The following AUTS2 variants were observed in gnomAD, a reference collection of about 807,000 sequenced individuals.
AUTS2 encodes the protein activator of transcription and developmental regulator AUTS2, also known as autism susceptibility gene 2 protein.
Under a neutral mutation model 112.4 loss-of-function variants are expected in AUTS2, and 17 were observed. The observed-to-expected ratio is 0.15, with a 90% confidence interval of 0.10 to 0.23. AUTS2 has a LOEUF of 0.23. Ranked by LOEUF, AUTS2 falls within the 10% of genes least tolerant of loss-of-function variation. The probability of loss-of-function intolerance (pLI) is 1.00; values close to 1 mark genes in which losing one functional copy is unlikely to be tolerated. For missense variants in AUTS2, 1,510 were observed against 1,701.6 expected (o/e 0.89, Z 1.98); for synonymous variants, 751 against 702.7 (o/e 1.07, Z -1.09).
intron 2 of AUTS2, among the ~76,000 whole-genome samples, chr7:69,948,574 A>T (rs1584481058): frequency 2.6e-5 from 4 of 152,260 alleles, no homozygotes; most frequent in Admixed American, 2.6e-4. Context: ...AAGGGGACAG[A>T]GCAGACTTAT....
At chr7:69,998,592 T>G (rs1307091346) in intron 2 of AUTS2, among the ~76,000 whole-genome samples, 1 of 152,242 alleles carries the variant, frequency 6.6e-6, no homozygotes, top group African/African-American at 2.4e-5. Context: ...GTTTGTTTAG[T>G]AAATATTTAT....
intron 1 of AUTS2, among the ~76,000 whole-genome samples, chr7:69,839,338 C>G (rs1029848618): frequency 1.3e-5 from 2 of 152,114 alleles, no homozygotes; most frequent in African/African-American, 4.8e-5. Flanking sequence ...CTAGTCTTCT[C>G]TCTGTGTCTG....
At chr7:69,804,010 T>A (rs1790195234) in intron 1 of AUTS2, among the ~76,000 whole-genome samples, 1 of 152,228 alleles carries the variant, frequency 6.6e-6, no homozygotes, top group Non-Finnish European at 1.5e-5. Context: ...CTAGCCTGGG[T>A]GACAGAGTGA....
chr7:70,208,034 A>AG (rs1268570119), intron 4 of AUTS2, among the ~76,000 whole-genome samples: 2 of 148,474 alleles, frequency 1.3e-5, no homozygotes, highest in Non-Finnish European at 3.0e-5. Flanking sequence ...AAAAAAAAAA[A>AG]CCAACAAAAA....
chr7:69,840,216 G>T (rs1277060341), intron 1 of AUTS2, among the ~76,000 whole-genome samples: 4 of 152,276 alleles, frequency 2.6e-5, no homozygotes, highest in East Asian at 3.9e-4. Context: ...GAAACATAAA[G>T]AAATCTCTTT....
Position 70,380,367 on chromosome 7 carries a change from C to A in AUTS2, c.661-55385C>A, listed in dbSNP as rs954646069. ...GGGCAGACTTTGGTAATTTCAGCTG[C>A]ATATGTTGGTTCTTATTTCATTTTG... On this transcript the variant is annotated intron_variant, in intron 4 of 18. Transcript: ENST00000342771. Among the ~76,000 whole-genome samples the A allele has an allele frequency of 2.6e-5, 4 of 152,306 alleles. No homozygotes were observed. In the South Asian group the frequency reaches 8.3e-4, roughly 32 times the overall value.
chr7:70,666,007 G>C (rs930344928), intron 5 of AUTS2, among the ~76,000 whole-genome samples: 10 of 152,162 alleles, frequency 6.6e-5, no homozygotes, highest in Non-Finnish European at 1.5e-4. Context: ...GGGGGCCTCT[G>C]AGCTGGAGCT....
At chr7:70,297,762 A>G (rs930189776) in intron 4 of AUTS2, among the ~76,000 whole-genome samples, 2 of 152,128 alleles carry the variant, frequency 1.3e-5, no homozygotes, top group Non-Finnish European at 2.9e-5. Context: ...GACAAACAGG[A>G]TGTTCAGAAG....
chr7:69,958,502 C>A (rs1797306781), intron 2 of AUTS2, among the ~76,000 whole-genome samples: 1 of 152,058 alleles, frequency 6.6e-6, no homozygotes, highest in Admixed American at 6.6e-5. Flanking sequence ...TGCAGTAGAG[C>A]AGGGGCAGAG....
At chr7:69,861,505 T>A (rs1053575041) in intron 1 of AUTS2, among the ~76,000 whole-genome samples, 2 of 152,152 alleles carry the variant, frequency 1.3e-5, no homozygotes, top group African/African-American at 4.8e-5. Context: ...GTACTTTCCA[T>A]AATGTCAGCC....
At chr7:70,451,688 A>G (rs1252118389) in intron 5 of AUTS2, among the ~76,000 whole-genome samples, 1 of 152,196 alleles carries the variant, frequency 6.6e-6, no homozygotes, top group Non-Finnish European at 1.5e-5. Flanking sequence ...GGAACTTTGA[A>G]ACGGGATGAA....
intron 1 of AUTS2, among the ~76,000 whole-genome samples, chr7:69,822,499 T>TA (rs1791043082): frequency 6.6e-6 from 1 of 152,198 alleles, no homozygotes; most frequent in Admixed American, 6.5e-5. Context: ...GCAAAGCCTG[T>TA]ACCCTTTTTG....
intron 6 of AUTS2, chr7:70,699,036 C>G (rs74488443): frequency 0.026 from 3,970 of 155,062 alleles, 203 homozygotes; most frequent in African/African-American, 0.088. Flanking sequence ...GGTCATAAAC[C>G]AAGCCTTACT....
intron 2 of AUTS2, among the ~76,000 whole-genome samples, chr7:70,085,009 A>G (rs1169588017): frequency 6.6e-6 from 1 of 152,080 alleles, no homozygotes; most frequent in Non-Finnish European, 1.5e-5. Flanking sequence ...ACTACCTAGG[A>G]TTACAGGCAC....
intron 4 of AUTS2, among the ~76,000 whole-genome samples, chr7:70,377,773 C>CTTT (rs1200007177): frequency 5.1e-5 from 7 of 137,518 alleles, no homozygotes; most frequent in African/African-American, 1.9e-4. Context: ...ATAATGTCTT[C>CTTT]TTTTTTTTTT....
rs566775515 is a variant in AUTS2, at chr7:70,311,320, G to T, written c.661-124432G>T. 2.6e-5 allele frequency among the ~76,000 whole-genome samples: 4 copies of T among 152,276 alleles called. No homozygotes were observed. The South Asian group carries it at 8.3e-4, about 32-fold the overall frequency. On this transcript the variant is annotated intron_variant, in intron 4 of 18. Coordinates refer to ENST00000342771, the MANE Select transcript of AUTS2 (RefSeq NM_015570.4). ...GTTTTGCCATTATTATATTTGTCATGACAGTTTTGCCATTATTATTAACCC... is the reference window on the plus strand; with the variant it reads ...GTTTTGCCATTATTATATTTGTCATTACAGTTTTGCCATTATTATTAACCC...
At chr7:70,692,133 G>T (rs572743182) in intron 5 of AUTS2, among the ~76,000 whole-genome samples, 11 of 152,268 alleles carry the variant, frequency 7.2e-5, no homozygotes, top group African/African-American at 2.6e-4. Context: ...CTCCCAAAGT[G>T]CTGGGATTAC....
At chr7:70,132,008 G>T (rs1178173764) in intron 3 of AUTS2, among the ~76,000 whole-genome samples, 1 of 151,892 alleles carries the variant, frequency 6.6e-6, no homozygotes, top group East Asian at 1.9e-4. Context: ...AAGGGAGTTG[G>T]CAAGTAGCCA....
chr7:70,068,159 A>G (rs941865338), intron 2 of AUTS2, among the ~76,000 whole-genome samples: 3 of 151,946 alleles, frequency 2.0e-5, no homozygotes, highest in Non-Finnish European at 2.9e-5. Flanking sequence ...CTGGCAAAAC[A>G]TAAGTAGATT....
Sources: allele counts gnomAD v4.1 joint callset (sites outside exome capture counted in the v4.1 genomes callset), GRCh38; gene constraint gnomAD v4.1.1; transcripts MANE v1.5; gene names NCBI Gene and HGNC (gene_info 2026-07-23, HGNC 2026-07-21).